The following ARHGAP42 variants were observed in gnomAD, a reference collection of about 807,000 sequenced individuals.
ARHGAP42 encodes Rho GTPase activating protein 42.
Under a neutral mutation model 125.0 loss-of-function variants are expected in ARHGAP42, and 63 were observed. That is an observed-to-expected ratio of 0.50 (90% confidence interval 0.41 to 0.62). The LOEUF (loss-of-function observed/expected upper bound fraction) is 0.62, where lower values mean the gene tolerates loss of function less well. Among genes scored for constraint, ARHGAP42 ranks in the 20% least tolerant of loss-of-function variants. The pLI, the probability that ARHGAP42 is intolerant of heterozygous loss-of-function variation, is 0.00. For missense variants in ARHGAP42, 766 were observed against 1,024.2 expected, an observed-to-expected ratio of 0.75 and a Z score of 3.44; for synonymous variants, 339 against 351.0, an observed-to-expected ratio of 0.97 and a Z score of 0.38.
intron 4 of ARHGAP42, among the ~76,000 whole-genome samples, chr11:100,902,865 C>A (rs1040277142): frequency 6.6e-6 from 1 of 152,118 alleles, no homozygotes; most frequent in South Asian, 2.1e-4. Context: ...CAGGAGAGTT[C>A]TTGTTCCATG....
At chr11:100,974,130 T>G (rs765747169) in intron 18 of ARHGAP42, among the ~76,000 whole-genome samples, 7 of 152,142 alleles carry the variant, frequency 4.6e-5, no homozygotes, top group Non-Finnish European at 8.8e-5. Context: ...TGATATAGAG[T>G]GAGCCTCAGC....
intron 1 of ARHGAP42, among the ~76,000 whole-genome samples, chr11:100,747,379 A>C (rs1862328586): frequency 1.3e-5 from 2 of 152,218 alleles, no homozygotes; most frequent in African/African-American, 4.8e-5. Context: ...TAGTGTGTTA[A>C]TTTTAATAAA....
At chr11:100,936,089 A>G (rs1265972139) in intron 7 of ARHGAP42, 114 bp from the exon 8 acceptor site, 7 of 1,308,306 alleles carry the variant, frequency 5.4e-6, no homozygotes, top group South Asian at 1.4e-5. Context: ...CACCTGGTTG[A>G]CAGAGTGATA....
At chr11:100,807,548 G>A (rs1418103268) in intron 3 of ARHGAP42, among the ~76,000 whole-genome samples, 3 of 152,156 alleles carry the variant, frequency 2.0e-5, no homozygotes, top group Non-Finnish European at 4.4e-5. Flanking sequence ...AGCACAGCCT[G>A]TAAATGAGTT....
At chr11:100,867,870 A>G (rs930334194) in intron 4 of ARHGAP42, among the ~76,000 whole-genome samples, 1 of 152,216 alleles carries the variant, frequency 6.6e-6, no homozygotes, top group African/African-American at 2.4e-5. Context: ...AAGCCATTGT[A>G]CGGTTACTAA....
chr11:100,721,052 A>G (rs189606611), intron 1 of ARHGAP42, among the ~76,000 whole-genome samples: 24 of 152,202 alleles, frequency 1.6e-4, no homozygotes, highest in African/African-American at 3.6e-4. Context: ...CCCTATTAAC[A>G]TCTCGCATTA....
chr11:100,847,492 A>G (rs987218305), intron 3 of ARHGAP42, among the ~76,000 whole-genome samples: 2 of 152,152 alleles, frequency 1.3e-5, no homozygotes, highest in Non-Finnish European at 2.9e-5. Context: ...GTCCTTCTCT[A>G]TTGAAGGTTG....
chr11:100,950,944 G>T (rs1427562244), intron 12 of ARHGAP42, among the ~76,000 whole-genome samples: 1 of 151,658 alleles, frequency 6.6e-6, no homozygotes, highest in Admixed American at 6.6e-5. Context: ...TCTAACTATT[G>T]GCCTCAATTA....
chr11:100,978,899 C>G (rs1383712216), intron 21 of ARHGAP42, 88 bp from the exon 22 acceptor site: 11 of 1,357,080 alleles, frequency 8.1e-6, no homozygotes, highest in Middle Eastern at 2.0e-4. Context: ...CATTTTTTGT[C>G]TTGTTTAACT....
intron 3 of ARHGAP42, among the ~76,000 whole-genome samples, chr11:100,844,786 A>G (rs1420906257): frequency 6.6e-6 from 1 of 152,172 alleles, no homozygotes. Flanking sequence ...AATTCAAAAA[A>G]TAGTAGATGT....
intron 4 of ARHGAP42, among the ~76,000 whole-genome samples, chr11:100,875,073 GTCTC>G (rs143461552): frequency 0.029 from 3,178 of 110,064 alleles, 74 homozygotes; most frequent in African/African-American, 0.058. Flanking sequence ...CTAATCCACT[GTCTC>G]TCTCTCTCTC....
At chr11:100,980,616 G>T (rs1226431532) in intron 22 of ARHGAP42, among the ~76,000 whole-genome samples, 1 of 111,484 alleles carries the variant, frequency 9.0e-6, no homozygotes, top group Non-Finnish European at 1.8e-5. Context: ...CTGTCACCAG[G>T]CTGGAGTGCA....
chr11:100,716,420 C>T (rs1861661647), intron 1 of ARHGAP42, among the ~76,000 whole-genome samples: 1 of 152,148 alleles, frequency 6.6e-6, no homozygotes, highest in Non-Finnish European at 1.5e-5. Flanking sequence ...CCGTGTCAAA[C>T]AAATGCTGTT....
At chr11:100,835,772 A>ATG (rs1052713701) in intron 3 of ARHGAP42, among the ~76,000 whole-genome samples, 11 of 138,954 alleles carry the variant, frequency 7.9e-5, no homozygotes, top group African/African-American at 2.8e-4. Context: ...GTATATATAT[A>ATG]TTCCATTGGA....
chr11:100,851,414 A>G (rs981114995), intron 3 of ARHGAP42, among the ~76,000 whole-genome samples: 1 of 152,202 alleles, frequency 6.6e-6, no homozygotes, highest in Non-Finnish European at 1.5e-5. Context: ...AACAATTCCT[A>G]TCGCCTAATG....
chr11:100,687,486 C>T lies in ARHGAP42; in HGVS notation c.-193C>T. 1 of 277,350 alleles carries T rather than the reference C, an allele frequency of 3.6e-6. No homozygotes were observed. Among genetic ancestry groups the T allele is most frequent in the Non-Finnish European group, 6.1e-6 (1 of 165,188 alleles). 17.2% of individuals were successfully genotyped at this position (277,350 alleles called of 1,614,324 possible). ...GCCCGCGCCTGCGCTCGCCTAGCCTCGGGGGAGGAAGACTGAGCCCGGCGC... is the reference window on the plus strand; with the variant it reads ...GCCCGCGCCTGCGCTCGCCTAGCCTTGGGGGAGGAAGACTGAGCCCGGCGC... On this transcript the variant is annotated 5_prime_UTR_variant, in exon 1 of 24. Coordinates refer to ENST00000298815, the MANE Select transcript of ARHGAP42 (RefSeq NM_152432.4).
At chr11:100,885,804 A>G (rs1866079076) in intron 4 of ARHGAP42, among the ~76,000 whole-genome samples, 1 of 152,214 alleles carries the variant, frequency 6.6e-6, no homozygotes, top group Non-Finnish European at 1.5e-5. Context: ...ATAATAAAAT[A>G]TTTCAAAATA....
intron 3 of ARHGAP42, among the ~76,000 whole-genome samples, chr11:100,843,005 C>G (rs886390297): frequency 3.3e-5 from 5 of 151,724 alleles, no homozygotes; most frequent in Admixed American, 3.3e-4. Flanking sequence ...AAAAGAAATA[C>G]AAAAGATAAA....
Position 100,988,784 on chromosome 11 carries a change from T to C in ARHGAP42, c.2608T>C (p.Tyr870His). The C allele has an allele frequency of 6.5e-7, 1 of 1,549,548 alleles. No individual in the cohort carries two copies. The highest frequency in any genetic ancestry group is 8.7e-7 in the Non-Finnish European group (1 of 1,145,940). The change falls in exon 24 of 24, where the codon TAT becomes CAT. Residue 870 changes from tyrosine (Y) to histidine (H), a missense_variant. Coordinates refer to ENST00000298815, the MANE Select transcript of ARHGAP42 (RefSeq NM_152432.4). ...EGKTGLVPEN[Y>H]VVFL ...CAAAACAGGACTAGTTCCAGAAAAT[T>C]ATGTTGTCTTCCTCTAATACTATTT...
Sources: gnomAD v4.1 joint callset for allele counts (sites outside exome capture counted in the v4.1 genomes callset) on GRCh38, gnomAD v4.1.1 for gene constraint, MANE v1.5 for transcripts, NCBI Gene and HGNC (gene_info 2026-07-23, HGNC 2026-07-21) for gene names.